ASAP1: variants seen among roughly 807,000 people sequenced by gnomAD.
ASAP1 encodes ArfGAP with SH3 domain, ankyrin repeat and PH domain 1.
Under a neutral mutation model 145.2 loss-of-function variants are expected in ASAP1, and 43 were observed. That is an observed-to-expected ratio of 0.30 (90% CI 0.23 to 0.38). The LOEUF is 0.38. Ranked by LOEUF, ASAP1 falls within the 10% of genes least tolerant of loss-of-function variation. The pLI is 1.00. For missense variants in ASAP1, 1,018 were observed against 1,355.3 expected, an observed-to-expected ratio of 0.75 and a Z score of 3.91; for synonymous variants, 546 against 515.5, an observed-to-expected ratio of 1.06 and a Z score of -0.80.
intron 3 of ASAP1, among the ~76,000 whole-genome samples, chr8:130,243,992 TA>T (rs969357437): frequency 2.6e-4 from 40 of 152,316 alleles, no homozygotes; most frequent in South Asian, 1.0e-3. Flanking sequence ...AAATATCTAT[TA>T]TTTTTTTTAC....
At chr8:130,150,762 C>T (rs1247391724) in intron 13 of ASAP1, among the ~76,000 whole-genome samples, 3 of 152,126 alleles carry the variant, frequency 2.0e-5, no homozygotes, top group Non-Finnish European at 2.9e-5. Flanking sequence ...TGCCTGCATT[C>T]CCAGCTACTT....
At chr8:130,078,484 C>G (rs1238016832) in intron 26 of ASAP1, among the ~76,000 whole-genome samples, 1 of 151,910 alleles carries the variant, frequency 6.6e-6, no homozygotes, top group African/African-American at 2.4e-5. Flanking sequence ...CAAGGTCTTG[C>G]TATGTTGCCC....
At position 130,344,346 on chromosome 8, in the gene ASAP1, T is replaced by A. The variant is rs531540852; in HGVS notation, c.186+13671A>T. Among the ~76,000 whole-genome samples, 14 of 152,330 alleles carry A rather than the reference T, an allele frequency of 9.2e-5. 1 individual carries two copies. The highest frequency in any genetic ancestry group is 1.8e-4 in the Non-Finnish European group (12 of 68,034). ...TATTTAATGACACCGAGGAAGTGTTTTTTTCAGACGAGAAAACATATTATG... is the reference window on the plus strand; with the variant it reads ...TATTTAATGACACCGAGGAAGTGTTATTTTCAGACGAGAAAACATATTATG... On this transcript the variant is annotated intron_variant, in intron 3 of 29. Transcript: ENST00000518721.
At position 130,359,618 on chromosome 8, in the gene ASAP1, G is replaced by GTTT. The variant is rs35447783; in HGVS notation, c.60-1478_60-1476dup. 1.9e-3 allele frequency among the ~76,000 whole-genome samples: 260 copies of GTTT among 134,134 alleles called. 6 individuals are homozygous for GTTT. Among genetic ancestry groups the GTTT allele is most frequent in the Non-Finnish European group, 2.9e-3 (182 of 62,636 alleles). The allele number at this position is 134,134 out of a possible 152,430, so 88.0% of individuals were successfully genotyped here. ...GATTGGGCTTCTGCCATCTTGCACT[G>GTTT]TTTTTTTTTTTTTTTTGAGACGGAG... On this transcript the variant is annotated intron_variant, in intron 2 of 29. Coordinates refer to ENST00000518721, the MANE Select transcript of ASAP1 (RefSeq NM_018482.4).
chr8:130,152,695 T>C, intron 13 of ASAP1, 41 bp downstream of exon 13: 1 of 1,518,820 alleles, frequency 6.6e-7, no homozygotes, highest in Non-Finnish European at 9.1e-7. Flanking sequence ...CGTGTTTGCT[T>C]TCTGGCCCAT....
intron 2 of ASAP1, chr8:130,361,809 A>G (rs919582750): frequency 1.2e-5 from 17 of 1,425,316 alleles, no homozygotes; most frequent in Admixed American, 9.8e-5. Context: ...CAAAACGTAA[A>G]TGCTGGATTT....
chr8:130,133,684 CAAACAAA>C (rs1157879156), intron 15 of ASAP1, among the ~76,000 whole-genome samples: 7 of 147,718 alleles, frequency 4.7e-5, no homozygotes, highest in South Asian at 2.1e-4. Flanking sequence ...AACAAACAAA[CAAACAAA>C]AAAAAAAACA....
chr8:130,423,701 T>C (rs1047959588), intron 1 of ASAP1, among the ~76,000 whole-genome samples: 7 of 152,226 alleles, frequency 4.6e-5, no homozygotes, highest in African/African-American at 1.4e-4. Context: ...GCAAAAACTA[T>C]GTGTCTATGA....
chr8:130,394,734 T>C (rs533796414), intron 2 of ASAP1, among the ~76,000 whole-genome samples: 1 of 152,330 alleles, frequency 6.6e-6, no homozygotes, highest in South Asian at 2.1e-4. Context: ...TTTTGTACTC[T>C]GTCTCTTTAT....
intron 3 of ASAP1, among the ~76,000 whole-genome samples, chr8:130,356,747 C>T (rs967151220): frequency 6.6e-6 from 1 of 152,128 alleles, no homozygotes; most frequent in Admixed American, 6.5e-5. Context: ...TCTCTCTCCT[C>T]CTAAAATTTG....
At chr8:130,084,451 G>A (rs779457850) in intron 25 of ASAP1, 24 of 152,244 alleles carry the variant, frequency 1.6e-4, no homozygotes, top group Non-Finnish European at 2.8e-4. Context: ...GTAAGAGAAA[G>A]TTGGAGATAC....
chr8:130,305,656 G>A (rs902544954), intron 3 of ASAP1, among the ~76,000 whole-genome samples: 5 of 152,150 alleles, frequency 3.3e-5, no homozygotes, highest in Non-Finnish European at 7.3e-5. Flanking sequence ...TTACAGGCAT[G>A]AGCTACCACT....
chr8:130,370,038 C>T lies in ASAP1; in HGVS notation c.60-11895G>A, dbSNP rs145862311. ...ACCCCAGGCCGGGCACAGTGGCTCA[C>T]GCCTGTAATCCCAGCACTTTGGGAG... On this transcript the variant is annotated intron_variant, in intron 2 of 29. Coordinates refer to ENST00000518721, the MANE Select transcript of ASAP1 (RefSeq NM_018482.4). Among the ~76,000 whole-genome samples the T allele has an allele frequency of 9.2e-5, 14 of 152,272 alleles. No homozygotes were observed. The East Asian group carries it at 2.1e-3, about 23-fold the overall frequency.
rs115711448 is a variant in ASAP1 at position 130,428,815 on chromosome 8, C to T, written c.-28+14645G>A. Among the ~76,000 whole-genome samples the T allele has an allele frequency of 3.8e-3, 575 of 152,278 alleles. 6 individuals carry two copies. The highest frequency in any genetic ancestry group is 0.013 in the African/African-American group (549 of 41,558). ...TCATCACCATCACCACCACCACCACCATCATTATCATTGCATTAATTTTCT... is the reference window on the plus strand; with the variant it reads ...TCATCACCATCACCACCACCACCACTATCATTATCATTGCATTAATTTTCT... On this transcript the variant is annotated intron_variant, in intron 1 of 29. Transcript: ENST00000518721.
At chr8:130,101,734 T>TTTTTTC (rs1176647924) in intron 24 of ASAP1, among the ~76,000 whole-genome samples, 5 of 100,072 alleles carry the variant, frequency 5.0e-5, no homozygotes, top group African/African-American at 2.6e-4. Flanking sequence ...CCTGGTTAAT[T>TTTTTTC]TTTTTTTTTT....
rs368109805 is a variant in ASAP1 at position 130,426,252 on chromosome 8, C to T, written c.-28+17208G>A. Among the ~76,000 whole-genome samples the T allele has an allele frequency of 1.6e-4, 24 of 152,240 alleles. No homozygotes were observed. The East Asian group carries it at 3.5e-3, about 22-fold the overall frequency. ...ATGTAAGATGTACCTGCTTCCCCTT[C>T]GCCTTCTACCATAATTGTAAGTTTC... On this transcript the variant is annotated intron_variant, in intron 1 of 29. Coordinates refer to ENST00000518721, the MANE Select transcript of ASAP1 (RefSeq NM_018482.4).
At chr8:130,394,279 A>G (rs1828418990) in intron 2 of ASAP1, among the ~76,000 whole-genome samples, 1 of 152,198 alleles carries the variant, frequency 6.6e-6, no homozygotes, top group Non-Finnish European at 1.5e-5. Flanking sequence ...CCTGAGAAAG[A>G]GAATGCGCCC....
At chr8:130,289,860 A>G (rs1821844910) in intron 3 of ASAP1, among the ~76,000 whole-genome samples, 1 of 150,278 alleles carries the variant, frequency 6.7e-6, no homozygotes, top group African/African-American at 2.5e-5. Flanking sequence ...CCATTATCAG[A>G]TTCTGGTAAC....
At chr8:130,077,592 C>A (rs1486453539) in intron 26 of ASAP1, among the ~76,000 whole-genome samples, 3 of 120,980 alleles carry the variant, frequency 2.5e-5, no homozygotes, top group African/African-American at 9.6e-5. Context: ...TGTCACCAGG[C>A]TGGAGTGCAG....
Sources: gnomAD v4.1 joint callset for allele counts (sites outside exome capture counted in the v4.1 genomes callset) on GRCh38, gnomAD v4.1.1 for gene constraint, MANE v1.5 for transcripts, NCBI Gene and HGNC (gene_info 2026-07-23, HGNC 2026-07-21) for gene names.